The following SCEL variants were observed in gnomAD, a reference collection of about 807,000 sequenced individuals.
The protein encoded by SCEL is sciellin.
A neutral mutation model predicts 117.6 loss-of-function variants in SCEL; 113 were observed. The observed-to-expected ratio is 0.96, with a 90% CI of 0.83 to 1.12. SCEL has a LOEUF of 1.12. SCEL is among the 50% of genes most tolerant of loss of function. SCEL has a pLI of 0.00. For synonymous variants in SCEL, 270 were observed against 256.2 expected, an observed-to-expected ratio of 1.05 and a Z score of -0.51; for missense variants, 785 against 810.8, an observed-to-expected ratio of 0.97 and a Z score of 0.39.
chr13:77,543,031 G>C (rs1471432081), intron 1 of SCEL, among the ~76,000 whole-genome samples: 2 of 150,264 alleles, frequency 1.3e-5, no homozygotes, highest in Non-Finnish European at 3.0e-5. Context: ...TTGCCACCCT[G>C]TGTCATTTTC....
chr13:77,643,332 G>A (rs1218835027), intron 32 of SCEL, among the ~76,000 whole-genome samples: 1 of 152,084 alleles, frequency 6.6e-6, no homozygotes. Flanking sequence ...TATGTAATGT[G>A]AGAAAAGGAT....
intron 28 of SCEL, among the ~76,000 whole-genome samples, chr13:77,630,288 G>A (rs2089965716): frequency 6.6e-6 from 1 of 152,152 alleles, no homozygotes; most frequent in South Asian, 2.1e-4. Flanking sequence ...AAATGATAGA[G>A]TCTTTCCCTA....
intron 1 of SCEL, among the ~76,000 whole-genome samples, chr13:77,548,150 T>C (rs1293418080): frequency 6.6e-6 from 1 of 152,268 alleles, no homozygotes; most frequent in African/African-American, 2.4e-5. Context: ...TATAGGAATT[T>C]ATAATTTACA....
At chr13:77,600,278 G>A (rs1349052062) in intron 15 of SCEL, among the ~76,000 whole-genome samples, 12 of 152,086 alleles carry the variant, frequency 7.9e-5, no homozygotes, top group Non-Finnish European at 1.6e-4. Context: ...TCAAGTGCCC[G>A]CCACCACGCC....
At chr13:77,642,599 T>C (rs943795835) in intron 31 of SCEL, 107 bp from the exon 32 acceptor site, 18 of 588,660 alleles carry the variant, frequency 3.1e-5, no homozygotes, top group African/African-American at 7.5e-5. Flanking sequence ...ACTTCAGTGA[T>C]AAACATCCCT....
At chr13:77,581,768 C>G (rs2086276249) in intron 9 of SCEL, among the ~76,000 whole-genome samples, 2 of 152,176 alleles carry the variant, frequency 1.3e-5, no homozygotes, top group South Asian at 4.1e-4. Flanking sequence ...GTAAATTTCA[C>G]CTCAATTAGA....
In SCEL at chr13:77,619,679, C is replaced by T. The variant is rs987795410; in HGVS notation, c.1628+1619C>T. ...AACAGTGGACCCTCCTGCTGAGAAT[C>T]GTACGGAAATATCTTTGTTAAGTAG... is the stretch of plus-strand genomic sequence containing the variant. On this transcript the variant is annotated intron_variant, in intron 27 of 32. Transcript: ENST00000349847. Among the ~76,000 whole-genome samples the T allele has an allele frequency of 2.6e-5, 4 of 152,174 alleles. No homozygotes were observed. In the East Asian group the frequency reaches 5.8e-4, roughly 22 times the overall value.
intron 1 of SCEL, among the ~76,000 whole-genome samples, chr13:77,550,381 G>T (rs1487546076): frequency 1.9e-5 from 2 of 105,470 alleles, no homozygotes; most frequent in East Asian, 5.1e-4. Context: ...ATGAGACTTT[G>T]TCTAAAATAT....
intron 9 of SCEL, among the ~76,000 whole-genome samples, chr13:77,588,306 C>G (rs907616542): frequency 3.3e-5 from 5 of 152,154 alleles, no homozygotes; most frequent in Non-Finnish European, 7.4e-5. Flanking sequence ...TAACCTGTTA[C>G]CACACAGCTG....
At chr13:77,597,744 T>C (rs1243879037) in intron 13 of SCEL, among the ~76,000 whole-genome samples, 155 bp downstream of exon 13, 2 of 151,946 alleles carry the variant, frequency 1.3e-5, no homozygotes, top group African/African-American at 2.4e-5. Flanking sequence ...CATCATTTCA[T>C]TGTTATGATG....
chr13:77,567,501 A>G (rs1267453897), intron 5 of SCEL, among the ~76,000 whole-genome samples, 179 bp from the exon 6 acceptor site: 1 of 152,228 alleles, frequency 6.6e-6, no homozygotes, highest in Non-Finnish European at 1.5e-5. Flanking sequence ...CCTCATAAGT[A>G]GATTTTGTCA....
At chr13:77,605,867 G>T (rs572807323) in intron 19 of SCEL, among the ~76,000 whole-genome samples, 1 of 151,942 alleles carries the variant, frequency 6.6e-6, no homozygotes, top group Non-Finnish European at 1.5e-5. Context: ...TTAGCTGGGC[G>T]TCCCAACTAC....
intron 28 of SCEL, among the ~76,000 whole-genome samples, chr13:77,628,516 T>C (rs886624393): frequency 6.6e-6 from 1 of 152,118 alleles, no homozygotes; most frequent in African/African-American, 2.4e-5. Context: ...GCTTTAAAAC[T>C]GTGATACCTT....
At chr13:77,626,018 G>A (rs1327116487) in intron 27 of SCEL, among the ~76,000 whole-genome samples, 4 of 152,174 alleles carry the variant, frequency 2.6e-5, no homozygotes, top group Non-Finnish European at 5.9e-5. Flanking sequence ...GTCATTGTGT[G>A]TATTAGTCTG....
At chr13:77,553,110 A>G (rs2084437328) in intron 1 of SCEL, among the ~76,000 whole-genome samples, 1 of 152,198 alleles carries the variant, frequency 6.6e-6, no homozygotes, top group African/African-American at 2.4e-5. Context: ...ACCTGCTGAG[A>G]TACTAGCGGT....
intron 12 of SCEL, 146 bp downstream of exon 12, chr13:77,593,719 C>A: frequency 1.7e-6 from 1 of 591,488 alleles, no homozygotes; most frequent in Non-Finnish European, 3.0e-6. Flanking sequence ...ATCAGTTTCT[C>A]CAGATAAGTA....
intron 32 of SCEL, 92 bp from the exon 33 acceptor site, chr13:77,644,166 C>T: frequency 7.4e-7 from 1 of 1,346,008 alleles, no homozygotes; most frequent in Non-Finnish European, 1.1e-6. Flanking sequence ...CTTAATCTAC[C>T]ACTACCCGTT....
At chr13:77,634,759 A>G (rs1426187941) in intron 29 of SCEL, among the ~76,000 whole-genome samples, 1 of 152,220 alleles carries the variant, frequency 6.6e-6, no homozygotes, top group Non-Finnish European at 1.5e-5. Flanking sequence ...AGCTTTATAA[A>G]ATGCACAACT....
intron 28 of SCEL, among the ~76,000 whole-genome samples, 199 bp from the exon 29 acceptor site, chr13:77,634,180 A>G (rs1033699550): frequency 7.9e-5 from 12 of 152,262 alleles, no homozygotes; most frequent in Non-Finnish European, 1.8e-4. Context: ...AAACCAAGAC[A>G]GTGGAAGTTA....
Sources: gnomAD v4.1 joint callset for allele counts (sites outside exome capture counted in the v4.1 genomes callset) on GRCh38, gnomAD v4.1.1 for gene constraint, MANE v1.5 for transcripts, NCBI Gene and HGNC (gene_info 2026-07-23, HGNC 2026-07-21) for gene names.